FREM2: variants seen among roughly 807,000 people sequenced by gnomAD.
The protein encoded by FREM2 is FRAS1 related extracellular matrix 2.
FREM2 carries 119 observed loss-of-function variants against 219.9 expected under a neutral mutation model. That is an observed-to-expected ratio of 0.54 (90% CI 0.47 to 0.63). The LOEUF is 0.63. FREM2 is among the 30% of genes least tolerant of loss of function. The probability of loss-of-function intolerance (pLI) is 0.00; values close to 1 mark genes in which losing one functional copy is unlikely to be tolerated. For synonymous variants in FREM2, 1,562 were observed against 1,522.8 expected, an observed-to-expected ratio of 1.03 and a Z score of -0.60; for missense variants, 4,030 against 3,993.6, an observed-to-expected ratio of 1.01 and a Z score of -0.25.
intron 11 of FREM2, 76 bp downstream of exon 11, chr13:38,851,944 A>G: frequency 1.5e-6 from 2 of 1,329,412 alleles, no homozygotes; most frequent in Non-Finnish European, 2.2e-6. Flanking sequence ...CTTAAGGAAA[A>G]GAAGGGAAAC....
In FREM2 at chr13:38,689,938, C is replaced by G; in HGVS notation, c.2594C>G (p.Ser865Cys). 2 of 1,614,196 alleles carry G rather than the reference C, an allele frequency of 1.2e-6. No homozygotes were observed. Among genetic ancestry groups the G allele is most frequent in the Non-Finnish European group, 1.7e-6 (2 of 1,180,044 alleles). ...GTAGACACTGATGTTGCCCATATCT[C>G]TTTCACTCTCACTCAGGCACCCAAA... ...NDVDTDVAHISFTLTQAPKHG... is the reference protein window; with the variant it reads ...NDVDTDVAHICFTLTQAPKHG... Residue 865 changes from serine to cysteine, a missense_variant, in exon 1 of 24, where the codon TCT (serine) becomes TGT (cysteine). By Grantham distance (112) the Ser-to-Cys change is moderately radical. Coordinates refer to ENST00000280481, the MANE Select transcript of FREM2 (RefSeq NM_207361.6).
rs528856522 is a variant in FREM2 at position 38,779,142 on chromosome 13, C to T, written c.5642-3928C>T. Reference sequence around the variant, plus strand: ...TAACACAGGAACAGAAAACCAGACACTGCATGTTCTCACTCATAAGTGGGA... The same window carrying T: ...TAACACAGGAACAGAAAACCAGACATTGCATGTTCTCACTCATAAGTGGGA... On this transcript the variant is annotated intron_variant, in intron 4 of 23. Coordinates refer to ENST00000280481, the MANE Select transcript of FREM2 (RefSeq NM_207361.6). 4.6e-5 allele frequency among the ~76,000 whole-genome samples: 7 copies of T among 152,020 alleles called. No individual in the cohort carries two copies. The South Asian group carries it at 1.2e-3, about 27-fold the overall frequency.
In FREM2 at chr13:38,700,634, T is replaced by C. The variant is rs567927385; in HGVS notation, c.5263+2847T>C. Among the ~76,000 whole-genome samples the C allele has an allele frequency of 1.8e-4, 28 of 152,218 alleles. No homozygotes were observed. In the South Asian group the frequency reaches 5.8e-3, roughly 32 times the overall value. ...AAAAAAAACTTAGTATGATTTCTAT[T>C]TGGCAGATGAGGAAACTGAGTCACC... On this transcript the variant is annotated intron_variant, in intron 2 of 23. Coordinates refer to ENST00000280481, the MANE Select transcript of FREM2 (RefSeq NM_207361.6).
intron 2 of FREM2, among the ~76,000 whole-genome samples, chr13:38,731,584 A>G (rs1871768657): frequency 6.6e-6 from 1 of 152,226 alleles, no homozygotes; most frequent in Non-Finnish European, 1.5e-5. Context: ...CTAGAAAAGT[A>G]AAAAAGACTG....
At chr13:38,704,229 T>A (rs975110884) in intron 2 of FREM2, among the ~76,000 whole-genome samples, 1 of 152,188 alleles carries the variant, frequency 6.6e-6, no homozygotes, top group Non-Finnish European at 1.5e-5. Flanking sequence ...GAGCACCCAC[T>A]CACCATGTTT....
chr13:38,719,532 A>G (rs1871142077), intron 2 of FREM2, among the ~76,000 whole-genome samples: 1 of 152,062 alleles, frequency 6.6e-6, no homozygotes, highest in African/African-American at 2.4e-5. Flanking sequence ...GCAGCATGTC[A>G]TCTTTAAGTC....
intron 2 of FREM2, among the ~76,000 whole-genome samples, chr13:38,744,310 A>C (rs1872375365): frequency 6.8e-6 from 1 of 147,560 alleles, no homozygotes; most frequent in Middle Eastern, 3.3e-3. Flanking sequence ...TCCTGAGCTC[A>C]AGTGATCCTC....
At chr13:38,780,519 A>C (rs1039610548) in intron 4 of FREM2, among the ~76,000 whole-genome samples, 2 of 152,172 alleles carry the variant, frequency 1.3e-5, no homozygotes, top group African/African-American at 4.8e-5. Context: ...TCTTTATCTT[A>C]CAGCAGTCAC....
At chr13:38,750,413 A>G (rs1414872993) in intron 2 of FREM2, among the ~76,000 whole-genome samples, 1 of 151,942 alleles carries the variant, frequency 6.6e-6, no homozygotes, top group Non-Finnish European at 1.5e-5. Flanking sequence ...TTTACTTAGT[A>G]TAACGACTTC....
chr13:38,841,259 C>T (rs1044235070), intron 6 of FREM2, among the ~76,000 whole-genome samples: 3 of 152,050 alleles, frequency 2.0e-5, no homozygotes, highest in Non-Finnish European at 4.4e-5. Flanking sequence ...TAAAATAATA[C>T]GCGGATTGCT....
chr13:38,731,770 A>G (rs1441592773), intron 2 of FREM2, among the ~76,000 whole-genome samples: 1 of 152,196 alleles, frequency 6.6e-6, no homozygotes, highest in East Asian at 1.9e-4. Context: ...GGCACCAGCT[A>G]CAAAACAAAC....
intron 6 of FREM2, among the ~76,000 whole-genome samples, chr13:38,800,314 A>G (rs1203916141): frequency 6.6e-6 from 1 of 152,132 alleles, no homozygotes; most frequent in East Asian, 1.9e-4. Flanking sequence ...TTTATGAAGG[A>G]TAATTTAGTT....
intron 6 of FREM2, among the ~76,000 whole-genome samples, chr13:38,813,563 C>CTATATATATATATATATATATATATA (rs71074484): frequency 2.0e-4 from 1 of 5,098 alleles, no homozygotes; most frequent in Admixed American, 4.1e-3. Flanking sequence ...CTCTCTCTCT[C>CTATATATATATATATATATATATATA]TATATATATA....
At chr13:38,859,235 C>A in intron 13 of FREM2, 52 bp from the exon 14 acceptor site, 1 of 1,554,504 alleles carries the variant, frequency 6.4e-7, no homozygotes, top group Non-Finnish European at 8.9e-7. Flanking sequence ...GAGAAGAATG[C>A]GTTCCACCTG....
rs189893164 is a variant in FREM2 at position 38,699,856 on chromosome 13, G to T, written c.5263+2069G>T. ...ATCTTCTGACATTTGAATGAGAAGT[G>T]CAATACTGTTTAAACTTAATTAACT... On this transcript the variant is annotated intron_variant, in intron 2 of 23. Transcript: ENST00000280481. Among the ~76,000 whole-genome samples, 579 of 152,126 alleles carry T rather than the reference G, an allele frequency of 3.8e-3. 4 individuals carry two copies. The highest frequency in any genetic ancestry group is 0.013 in the African/African-American group (556 of 41,522).
At chr13:38,849,741 G>T (rs1245020661) in intron 8 of FREM2, among the ~76,000 whole-genome samples, 1 of 152,152 alleles carries the variant, frequency 6.6e-6, no homozygotes, top group African/African-American at 2.4e-5. Context: ...ATTCTGAAAG[G>T]CTCATGACTA....
At chr13:38,765,089 T>C (rs1873382574) in intron 3 of FREM2, among the ~76,000 whole-genome samples, 1 of 152,104 alleles carries the variant, frequency 6.6e-6, no homozygotes, top group Non-Finnish European at 1.5e-5. Context: ...TTTTTGTATT[T>C]TTAGTAGAGA....
rs1869907088 is a variant in FREM2 at position 38,692,141 on chromosome 13, A to C, written c.4797A>C (p.Glu1599Asp). Residue 1599 changes from glutamate (E) to aspartate (D), a missense_variant, in exon 1 of 24, where the codon GAA becomes GAC. Glu to Asp is a conservative substitution (Grantham distance 45). Coordinates refer to ENST00000280481, the MANE Select transcript of FREM2 (RefSeq NM_207361.6). Reference sequence around the variant, plus strand: ...TTTTTACCAAGCAAGACTTGAATGAAAACTTAATCAGCTACAAACATGATG... The same window carrying C: ...TTTTTACCAAGCAAGACTTGAATGACAACTTAATCAGCTACAAACATGATG... ...VMVFTKQDLN[E>D]NLISYKHDGT... The C allele has an allele frequency of 6.2e-7, 1 of 1,614,218 alleles. No homozygotes were observed. Among genetic ancestry groups the C allele is most frequent in the African/African-American group, 1.3e-5 (1 of 75,052 alleles).
At chr13:38,763,731 T>C (rs1204371771) in intron 2 of FREM2, among the ~76,000 whole-genome samples, 1 of 152,132 alleles carries the variant, frequency 6.6e-6, no homozygotes, top group Non-Finnish European at 1.5e-5. Flanking sequence ...AAACCTTATC[T>C]TCAGAGTGGA....
Sources: allele counts gnomAD v4.1 joint callset (sites outside exome capture counted in the v4.1 genomes callset), GRCh38; gene constraint gnomAD v4.1.1; transcripts MANE v1.5; gene names NCBI Gene and HGNC (gene_info 2026-07-23, HGNC 2026-07-21).